SNTG1: variants seen among roughly 807,000 people sequenced by gnomAD.
SNTG1 encodes the protein syntrophin gamma 1.
In SNTG1, 39 loss-of-function variants were observed where a neutral mutation model predicts 74.7. The ratio of observed to expected loss-of-function variants is 0.52; its 90% CI spans 0.40 to 0.68. The LOEUF (loss-of-function observed/expected upper bound fraction) is 0.68, where lower values mean the gene tolerates loss of function less well. Ranked by LOEUF, SNTG1 falls within the 30% of genes least tolerant of loss-of-function variation. SNTG1 has a pLI of 0.00. For missense variants in SNTG1, 685 were observed against 609.5 expected (o/e 1.12, Z -1.30); for synonymous variants, 254 against 217.1 (o/e 1.17, Z -1.49).
At chr8:50,774,641 C>T (rs922977584) in intron 18 of SNTG1, among the ~76,000 whole-genome samples, 1 of 151,472 alleles carries the variant, frequency 6.6e-6, no homozygotes, top group African/African-American at 2.4e-5. Context: ...AATAAAAACA[C>T]CATTAAAGGT....
At chr8:50,645,470 C>A (rs1322644323) in intron 13 of SNTG1, among the ~76,000 whole-genome samples, 4 of 151,810 alleles carry the variant, frequency 2.6e-5, no homozygotes, top group African/African-American at 9.7e-5. Flanking sequence ...TTTCTCTTGT[C>A]CATTTTATCC....
chr8:49,984,314 T>C (rs1300801375), intron 1 of SNTG1, among the ~76,000 whole-genome samples: 1 of 152,096 alleles, frequency 6.6e-6, no homozygotes, highest in Admixed American at 6.6e-5. Context: ...CAAGCGATTC[T>C]CCTGCCTCAG....
intron 1 of SNTG1, among the ~76,000 whole-genome samples, chr8:50,058,893 CTT>C (rs1258441814): frequency 6.6e-6 from 1 of 152,052 alleles, no homozygotes; most frequent in East Asian, 1.9e-4. Context: ...ACCTCTCTCT[CTT>C]ACCCTCTCCA....
chr8:49,954,344 C>T, intron 1 of SNTG1, among the ~76,000 whole-genome samples: 1 of 152,238 alleles, frequency 6.6e-6, no homozygotes, highest in Middle Eastern at 3.4e-3. Context: ...ATGTATCAAA[C>T]ATAAAAGTCA....
intron 1 of SNTG1, among the ~76,000 whole-genome samples, chr8:49,914,303 C>T (rs189938882): frequency 6.6e-6 from 1 of 151,318 alleles, no homozygotes; most frequent in East Asian, 1.9e-4. Context: ...TTTTGTTTTG[C>T]TAAAGAAAAA....
intron 1 of SNTG1, among the ~76,000 whole-genome samples, chr8:50,056,766 C>A (rs1379727493): frequency 1.3e-5 from 2 of 152,196 alleles, no homozygotes; most frequent in Non-Finnish European, 2.9e-5. Context: ...CAGCTTCCAA[C>A]AATGTCAAGC....
Position 50,586,847 on chromosome 8 carries a change from TA to T in SNTG1, c.811-4023del, listed in dbSNP as rs199828036. Among the ~76,000 whole-genome samples the T allele has an allele frequency of 1.6e-3, 239 of 150,508 alleles. No homozygotes were observed. The East Asian group carries it at 0.016, about 10-fold the overall frequency. On this transcript the variant is annotated intron_variant, in intron 12 of 18. Coordinates refer to ENST00000642720, the MANE Select transcript of SNTG1 (RefSeq NM_018967.5). ...AGTTTTAAACAATGGAGAGCTTCGT[TA>T]AAAAAAAAGTAAAGATTAAACTAAT...
At chr8:50,500,266 A>T (rs762052862) in intron 8 of SNTG1, among the ~76,000 whole-genome samples, 5 of 149,426 alleles carry the variant, frequency 3.3e-5, no homozygotes, top group Non-Finnish European at 5.9e-5. Flanking sequence ...TATTGTTCAG[A>T]TAGGGTGAAT....
At chr8:50,750,488 C>A (rs1199023635) in intron 17 of SNTG1, among the ~76,000 whole-genome samples, 2 of 151,988 alleles carry the variant, frequency 1.3e-5, no homozygotes, top group Non-Finnish European at 2.9e-5. Context: ...TGCTATTCGG[C>A]TATATTGCAG....
intron 1 of SNTG1, among the ~76,000 whole-genome samples, chr8:50,079,955 G>C (rs1360049005): frequency 6.6e-6 from 1 of 152,164 alleles, no homozygotes; most frequent in Non-Finnish European, 1.5e-5. Flanking sequence ...CTGTAGCCTT[G>C]TAGTATAGTT....
chr8:49,994,402 C>A (rs1176084226), intron 1 of SNTG1, among the ~76,000 whole-genome samples: 1 of 149,052 alleles, frequency 6.7e-6, no homozygotes, highest in African/African-American at 2.4e-5. Context: ...GTTACAGGCA[C>A]CCGCCACCAT....
intron 2 of SNTG1, among the ~76,000 whole-genome samples, chr8:50,304,058 T>G (rs34733089): frequency 0.069 from 10,547 of 152,266 alleles, 409 homozygotes; most frequent in African/African-American, 0.085. Flanking sequence ...ATGTTGAAAT[T>G]TAATTACCAT....
At chr8:50,545,454 C>A (rs2094380262) in intron 11 of SNTG1, among the ~76,000 whole-genome samples, 1 of 148,136 alleles carries the variant, frequency 6.8e-6, no homozygotes, top group Non-Finnish European at 1.5e-5. Context: ...AATATATGCA[C>A]CTGTCACTTT....
At chr8:50,618,329 TCATACTGAA>T (rs1359502329) in intron 13 of SNTG1, among the ~76,000 whole-genome samples, 1 of 152,246 alleles carries the variant, frequency 6.6e-6, no homozygotes, top group Non-Finnish European at 1.5e-5. Flanking sequence ...CGTTTTTATT[TCATACTGAA>T]AGTATTTTCT....
chr8:50,258,360 C>A (rs1460438), intron 2 of SNTG1, among the ~76,000 whole-genome samples: 135,591 of 152,190 alleles, frequency 0.89, 61,963 homozygotes, highest in East Asian at 1. Context: ...TTTGATGAAA[C>A]ATAAAATGTT....
intron 12 of SNTG1, among the ~76,000 whole-genome samples, chr8:50,574,398 T>C (rs906195975): frequency 6.6e-6 from 1 of 152,116 alleles, no homozygotes; most frequent in African/African-American, 2.4e-5. Flanking sequence ...GTAAAAGATA[T>C]TTTTTAAACG....
chr8:50,075,261 GGACT>G (rs1563555599), intron 1 of SNTG1, among the ~76,000 whole-genome samples: 1 of 152,210 alleles, frequency 6.6e-6, no homozygotes, highest in Non-Finnish European at 1.5e-5. Flanking sequence ...CCTGCCCGTG[GGACT>G]GACTGACTGG....
intron 2 of SNTG1, among the ~76,000 whole-genome samples, chr8:50,358,582 A>G (rs2131052518): frequency 6.6e-6 from 1 of 152,350 alleles, no homozygotes; most frequent in South Asian, 2.1e-4. Context: ...ACTCAATAAC[A>G]CTATGCACAA....
chr8:50,513,053 A>T (rs965659779), intron 9 of SNTG1, among the ~76,000 whole-genome samples: 2 of 151,952 alleles, frequency 1.3e-5, no homozygotes, highest in Non-Finnish European at 2.9e-5. Context: ...GATTTTATCT[A>T]CCTTTGGTCT....
Sources: allele counts gnomAD v4.1 joint callset (sites outside exome capture counted in the v4.1 genomes callset), GRCh38; gene constraint gnomAD v4.1.1; transcripts MANE v1.5; gene names NCBI Gene and HGNC (gene_info 2026-07-23, HGNC 2026-07-21).